TRIM5: variants seen among roughly 807,000 people sequenced by gnomAD.
TRIM5 encodes tripartite motif-containing protein 5.
TRIM5 carries 31 observed loss-of-function variants against 35.6 expected under a neutral mutation model. The observed-to-expected ratio is 0.87, with a 90% confidence interval of 0.65 to 1.18. TRIM5 has a LOEUF of 1.18. TRIM5 is among the 50% of genes most tolerant of loss of function. The pLI, the probability that TRIM5 is intolerant of heterozygous loss-of-function variation, is 0.00. For missense variants in TRIM5, 609 were observed against 591.6 expected, an observed-to-expected ratio of 1.03 and a Z score of -0.31; for synonymous variants, 243 against 215.6, an observed-to-expected ratio of 1.13 and a Z score of -1.11.
chr11:5,647,440 C>G, the TRIM5 span, among the ~76,000 whole-genome samples: 1 of 152,094 alleles, frequency 6.6e-6, no homozygotes, highest in Non-Finnish European at 1.5e-5. Context: ...TCTATACCCA[C>G]AGGAAAAATA....
chr11:5,657,673 A>AT, the TRIM5 span, among the ~76,000 whole-genome samples: 3 of 91,964 alleles, frequency 3.3e-5, no homozygotes, highest in African/African-American at 4.6e-5. Context: ...TATTTATAAT[A>AT]TAATATATAT....
At chr11:5,658,154 C>T in the TRIM5 span, among the ~76,000 whole-genome samples, 6 of 152,144 alleles carry the variant, frequency 3.9e-5, no homozygotes, top group African/African-American at 1.2e-4. Context: ...GTGCCTATAG[C>T]AGGAAGAGAC....
chr11:5,612,674 A>G, the TRIM5 span: 2 of 152,196 alleles, frequency 1.3e-5, no homozygotes, highest in African/African-American at 4.8e-5. Context: ...ACCAGCTATA[A>G]AAGAAATTAA....
chr11:5,642,899 T>C, the TRIM5 span: 20 of 1,605,948 alleles, frequency 1.2e-5, no homozygotes, highest in East Asian at 2.2e-5. Context: ...CAGAAGTTTA[T>C]GGTTTCAATG....
chr11:5,591,540 G>C, the TRIM5 span, among the ~76,000 whole-genome samples: 77,432 of 151,936 alleles, frequency 0.51, 19,993 homozygotes, highest in East Asian at 0.68. Context: ...CCCAGCTACT[G>C]GGGAGGCTGA....
the TRIM5 span, among the ~76,000 whole-genome samples, chr11:5,654,733 T>TG: frequency 6.6e-6 from 1 of 152,132 alleles, no homozygotes; most frequent in Non-Finnish European, 1.5e-5. Flanking sequence ...ATTAACCACA[T>TG]GCATTGAGGT....
At chr11:5,607,612 C>T in the TRIM5 span, among the ~76,000 whole-genome samples, 2 of 152,212 alleles carry the variant, frequency 1.3e-5, no homozygotes, top group African/African-American at 2.4e-5. Flanking sequence ...AGGTGAACAA[C>T]TGGTGACCAA....
chr11:5,684,341 C>G (rs1852847464), intron 1 of TRIM5, among the ~76,000 whole-genome samples: 1 of 152,200 alleles, frequency 6.6e-6, no homozygotes, highest in African/African-American at 2.4e-5. Flanking sequence ...ACTCTCCACT[C>G]CTAGCAAGAA....
At chr11:5,623,126 T>TA in the TRIM5 span, among the ~76,000 whole-genome samples, 14 of 120,150 alleles carry the variant, frequency 1.2e-4, no homozygotes, top group East Asian at 9.2e-4. Flanking sequence ...TTTTTTTTTT[T>TA]ATCTTAGTAG....
chr11:5,656,172 A>G, the TRIM5 span, among the ~76,000 whole-genome samples: 1 of 152,354 alleles, frequency 6.6e-6, no homozygotes. Flanking sequence ...ATTAAACAAA[A>G]GCGTTTCTGC....
the TRIM5 span, among the ~76,000 whole-genome samples, chr11:5,625,384 CTCTCTT>C: frequency 1.3e-5 from 2 of 152,214 alleles, no homozygotes; most frequent in East Asian, 3.8e-4. Flanking sequence ...AATTCTCTCT[CTCTCTT>C]TCTCTCTCTC....
At chr11:5,598,211 C>G in the TRIM5 span, among the ~76,000 whole-genome samples, 1 of 152,154 alleles carries the variant, frequency 6.6e-6, no homozygotes, top group African/African-American at 2.4e-5. Context: ...TGGCAGCCTC[C>G]CATATCTCCC....
chr11:5,654,999 T>C, the TRIM5 span, among the ~76,000 whole-genome samples: 1 of 152,116 alleles, frequency 6.6e-6, no homozygotes, highest in Admixed American at 6.5e-5. Flanking sequence ...AAGATCAGCC[T>C]GGCTAACATG....
At chr11:5,623,408 C>A in the TRIM5 span, among the ~76,000 whole-genome samples, 4 of 152,044 alleles carry the variant, frequency 2.6e-5, no homozygotes, top group East Asian at 3.9e-4. Flanking sequence ...TGCTCTGACA[C>A]CCAGGCTGGA....
At chr11:5,683,181 T>TC (rs1484901474) in intron 1 of TRIM5, among the ~76,000 whole-genome samples, 5 of 152,128 alleles carry the variant, frequency 3.3e-5, no homozygotes, top group Non-Finnish European at 5.9e-5. Context: ...TGCCTGAGCC[T>TC]CCCCACGACC....
the TRIM5 span, among the ~76,000 whole-genome samples, chr11:5,618,397 G>A: frequency 2.0e-5 from 3 of 152,056 alleles, no homozygotes; most frequent in South Asian, 4.2e-4. Flanking sequence ...CAAACAAATA[G>A]TCAAAGTAAT....
the TRIM5 span, among the ~76,000 whole-genome samples, chr11:5,617,309 T>C: frequency 6.9e-6 from 1 of 144,422 alleles, no homozygotes; most frequent in Non-Finnish European, 1.5e-5. Context: ...TTGGCCTTTA[T>C]TTCAAGAGAT....
At chr11:5,676,782 C>T (rs1175022382) in intron 4 of TRIM5, among the ~76,000 whole-genome samples, 3 of 150,920 alleles carry the variant, frequency 2.0e-5, no homozygotes, top group East Asian at 3.9e-4. Flanking sequence ...AGAACAGAGC[C>T]CTCAGAAATA....
rs1247168515 is a variant in TRIM5 at position 5,680,172 on chromosome 11, A to AGCC, written c.3_5dup (p.Ala2dup). 1.9e-6 allele frequency: 3 copies of AGCC among 1,601,492 alleles called. 1 individual carries two copies. The Admixed American group carries it at 5.0e-5, about 27-fold the overall frequency. On this transcript the variant is annotated inframe_insertion, in exon 2 of 8. Coordinates refer to ENST00000380034, the MANE Select transcript of TRIM5 (RefSeq NM_033034.3). ...CCTTTACATTAACCAGGATTCCAGA[A>AGCC]GCCATAGTAGCTATTCCACTGCTCC... is the stretch of plus-strand genomic sequence containing the variant.
Sources: allele counts gnomAD v4.1 joint callset (sites outside exome capture counted in the v4.1 genomes callset), GRCh38; gene constraint gnomAD v4.1.1; transcripts MANE v1.5; gene names NCBI Gene and HGNC (gene_info 2026-07-23, HGNC 2026-07-21).